TRDN: variants seen among roughly 807,000 people sequenced by gnomAD.
TRDN encodes the protein triadin in skeletal muscle.
In TRDN, 161 loss-of-function variants were observed where a neutral mutation model predicts 149.7. The ratio of observed to expected loss-of-function variants is 1.08; its 90% CI spans 0.95 to 1.23. The LOEUF (loss-of-function observed/expected upper bound fraction) is 1.23. Ranked by LOEUF, TRDN falls within the 50% of genes most tolerant of loss-of-function variation. The pLI, the probability that TRDN is intolerant of heterozygous loss-of-function variation, is 0.00. For synonymous variants in TRDN, 294 were observed against 250.5 expected (o/e 1.17, Z -1.64); for missense variants, 896 against 823.5 (o/e 1.09, Z -1.08).
intron 1 of TRDN, among the ~76,000 whole-genome samples, chr6:123,618,485 G>A (rs903753367): frequency 2.8e-4 from 42 of 151,968 alleles, no homozygotes; most frequent in African/African-American, 8.7e-4. Flanking sequence ...CCTCTCTCCC[G>A]CTCGAGGTTC....
intron 4 of TRDN, among the ~76,000 whole-genome samples, chr6:123,532,059 A>T (rs916398222): frequency 6.6e-6 from 1 of 152,054 alleles, no homozygotes; most frequent in Non-Finnish European, 1.5e-5. Flanking sequence ...TAACCAGAGT[A>T]ATCACTATCA....
chr6:123,618,217 G>T lies in TRDN; in HGVS notation c.22+18537C>A, dbSNP rs565454777. Among the ~76,000 whole-genome samples the T allele has an allele frequency of 2.0e-5, 3 of 152,174 alleles. No homozygotes were observed. In the East Asian group the frequency reaches 5.8e-4, roughly 29 times the overall value. Reference sequence around the variant, plus strand: ...AATTTATCTTACAATTCTGTACTTGGAAGTCCAACATGGGTCTCAAGGAGC... The same window carrying T: ...AATTTATCTTACAATTCTGTACTTGTAAGTCCAACATGGGTCTCAAGGAGC... On this transcript the variant is annotated intron_variant, in intron 1 of 40. Coordinates refer to ENST00000334268, the MANE Select transcript of TRDN (RefSeq NM_006073.4).
chr6:123,388,784 A>G (rs1198133804), intron 13 of TRDN, among the ~76,000 whole-genome samples: 1 of 152,214 alleles, frequency 6.6e-6, no homozygotes, highest in Admixed American at 6.5e-5. Flanking sequence ...GGAGTTACGT[A>G]GACAAGAAGT....
chr6:123,532,090 C>A (rs1780278319), intron 4 of TRDN, among the ~76,000 whole-genome samples: 1 of 151,866 alleles, frequency 6.6e-6, no homozygotes, highest in Non-Finnish European at 1.5e-5. Context: ...CTATACTATC[C>A]AATGCAGTAG....
At chr6:123,347,882 T>A (rs966088366) in intron 21 of TRDN, among the ~76,000 whole-genome samples, 1 of 152,114 alleles carries the variant, frequency 6.6e-6, no homozygotes, top group Non-Finnish European at 1.5e-5. Flanking sequence ...AAGTTTTATT[T>A]GGAGATAGCT....
chr6:123,246,673 T>C (rs1375958280), intron 38 of TRDN, among the ~76,000 whole-genome samples: 1 of 151,890 alleles, frequency 6.6e-6, no homozygotes, highest in Non-Finnish European at 1.5e-5. Flanking sequence ...GAGGAGTTAG[T>C]ACCATACCTT....
At chr6:123,414,675 A>C (rs1773580243) in intron 12 of TRDN, among the ~76,000 whole-genome samples, 1 of 152,116 alleles carries the variant, frequency 6.6e-6, no homozygotes, top group Non-Finnish European at 1.5e-5. Context: ...AACACACATT[A>C]CATTTTAGGG....
chr6:123,602,389 G>T (rs118151122), intron 1 of TRDN, among the ~76,000 whole-genome samples: 4,677 of 151,958 alleles, frequency 0.031, 99 homozygotes, highest in Non-Finnish European at 0.046. Flanking sequence ...AAAATGCAAA[G>T]GCATTAGAAT....
intron 24 of TRDN, among the ~76,000 whole-genome samples, chr6:123,283,431 AC>A (rs1777672365): frequency 6.6e-6 from 1 of 151,872 alleles, no homozygotes; most frequent in Non-Finnish European, 1.5e-5. Flanking sequence ...AACAAACCAA[AC>A]CCAAACCCAG....
At chr6:123,256,435 C>T (rs1203650739) in intron 35 of TRDN, among the ~76,000 whole-genome samples, 1 of 152,106 alleles carries the variant, frequency 6.6e-6, no homozygotes, top group Non-Finnish European at 1.5e-5. Context: ...AACAGTTGAA[C>T]TAATTCCCAC....
intron 24 of TRDN, among the ~76,000 whole-genome samples, chr6:123,299,760 G>A (rs1221018435): frequency 6.6e-6 from 1 of 151,950 alleles, no homozygotes; most frequent in African/African-American, 2.4e-5. Context: ...TAAGAGCATT[G>A]TTTTAAAAAC....
rs953349831 is a variant in TRDN at position 123,586,332 on chromosome 6, C to T, written c.23-15200G>A. Among the ~76,000 whole-genome samples, 6 of 151,812 alleles carry T rather than the reference C, an allele frequency of 4.0e-5. No homozygotes were observed. The East Asian group carries it at 5.8e-4, about 15-fold the overall frequency. On this transcript the variant is annotated intron_variant, in intron 1 of 40. Coordinates refer to ENST00000334268, the MANE Select transcript of TRDN (RefSeq NM_006073.4). Reference sequence around the variant, plus strand: ...GCTGAGGAAGAATTGGGACCTAGCTCGGCCTGGCGAGGAGGGGAGAGGTCA... The same window carrying T: ...GCTGAGGAAGAATTGGGACCTAGCTTGGCCTGGCGAGGAGGGGAGAGGTCA...
rs749284825 is a variant in TRDN at position 123,283,084 on chromosome 6, A to G, written c.1511-4002T>C. 5.5e-4 allele frequency among the ~76,000 whole-genome samples: 84 copies of G among 152,064 alleles called. 1 individual carries two copies. Among genetic ancestry groups the G allele is most frequent in the Non-Finnish European group, 4.4e-4 (30 of 67,882 alleles). ...AATGGGCCACAAAACAAGTCCTTAA[A>G]AATTTCAGAAAATTGAAATGATAAC... On this transcript the variant is annotated intron_variant, in intron 24 of 40. Transcript: ENST00000334268.
At chr6:123,514,631 A>AACACACACACACACACACACAC (rs60716520) in intron 6 of TRDN, among the ~76,000 whole-genome samples, 1 of 147,494 alleles carries the variant, frequency 6.8e-6, no homozygotes, top group Non-Finnish European at 1.5e-5. Context: ...ACATACCCAA[A>AACACACACACACACACACACAC]ACACACACAC....
intron 5 of TRDN, among the ~76,000 whole-genome samples, chr6:123,525,556 T>A (rs1779902961): frequency 1.3e-5 from 2 of 152,014 alleles, no homozygotes; most frequent in Non-Finnish European, 2.9e-5. Flanking sequence ...GAGATTGGAA[T>A]GGGAACTGAG....
chr6:123,366,250 T>C (rs1261723714), intron 19 of TRDN, 68 bp from the exon 20 acceptor site: 8 of 1,415,436 alleles, frequency 5.7e-6, no homozygotes, highest in Non-Finnish European at 7.9e-6. Flanking sequence ...TCTTATACTA[T>C]TGAGAATAAA....
intron 1 of TRDN, among the ~76,000 whole-genome samples, chr6:123,596,864 T>C (rs1784061951): frequency 6.6e-6 from 1 of 152,118 alleles, no homozygotes; most frequent in African/African-American, 2.4e-5. Flanking sequence ...TATTTCTGCT[T>C]ATTGAGAATG....
chr6:123,423,997 A>G (rs1283550940), intron 12 of TRDN, among the ~76,000 whole-genome samples: 1 of 152,168 alleles, frequency 6.6e-6, no homozygotes, highest in Non-Finnish European at 1.5e-5. Context: ...ATTTGAGCCT[A>G]CATGGTTAGA....
chr6:123,373,063 C>T (rs903757008), intron 19 of TRDN, among the ~76,000 whole-genome samples: 12 of 152,134 alleles, frequency 7.9e-5, no homozygotes, highest in African/African-American at 1.2e-4. Context: ...TCTTTAGCAT[C>T]GCACCAGTAA....
Sources: allele counts gnomAD v4.1 joint callset (sites outside exome capture counted in the v4.1 genomes callset), GRCh38; gene constraint gnomAD v4.1.1; transcripts MANE v1.5; gene names NCBI Gene and HGNC (gene_info 2026-07-23, HGNC 2026-07-21).